The following NVL variants were observed in gnomAD, a reference collection of about 807,000 sequenced individuals.
The protein encoded by NVL is nuclear VCP like.
In NVL, 84 loss-of-function variants were observed where a neutral mutation model predicts 110.2. The observed-to-expected ratio is 0.76, with a 90% CI of 0.64 to 0.91. The LOEUF (loss-of-function observed/expected upper bound fraction) is 0.91, where lower values mean the gene tolerates loss of function less well. Ranked by LOEUF, NVL falls within the 40% of genes least tolerant of loss-of-function variation. NVL has a pLI of 0.00. For missense variants in NVL, 882 were observed against 1,035.9 expected (o/e 0.85, Z 2.04); for synonymous variants, 354 against 361.1 (o/e 0.98, Z 0.22).
intron 12 of NVL, among the ~76,000 whole-genome samples, chr1:224,291,966 C>T (rs916830057): frequency 7.7e-4 from 117 of 152,308 alleles, no homozygotes; most frequent in African/African-American, 2.7e-3. Context: ...CACGTGAGAC[C>T]GCAAGGCAGA....
At chr1:224,308,338 A>G in intron 5 of NVL, 75 bp from the exon 6 acceptor site, 2 of 1,334,264 alleles carry the variant, frequency 1.5e-6, no homozygotes, top group Non-Finnish European at 2.0e-6. Context: ...TGCCTATAGT[A>G]ATAAGTTTTC....
chr1:224,274,289 T>TCAA (rs1236208047), intron 17 of NVL, among the ~76,000 whole-genome samples: 1 of 150,682 alleles, frequency 6.6e-6, no homozygotes, highest in Admixed American at 6.6e-5. Flanking sequence ...AGACTCTGTT[T>TCAA]CAACAACAAC....
At chr1:224,290,904 G>A (rs1667317877) in intron 12 of NVL, among the ~76,000 whole-genome samples, 2 of 151,994 alleles carry the variant, frequency 1.3e-5, no homozygotes, top group Non-Finnish European at 2.9e-5. Flanking sequence ...GGGAGGCAGA[G>A]GTTGCAGTGA....
At chr1:224,264,810 G>A (rs755066656) in intron 18 of NVL, among the ~76,000 whole-genome samples, 5 of 151,890 alleles carry the variant, frequency 3.3e-5, no homozygotes, top group East Asian at 1.9e-4. Context: ...GTGCAATCTC[G>A]GCTCACTGCA....
chr1:224,275,450 A>G lies in NVL; in HGVS notation c.1971T>C (p.Gly657=). The G allele has an allele frequency of 1.9e-6, 3 of 1,614,118 alleles. No homozygotes were observed. Among genetic ancestry groups the G allele is most frequent in the Non-Finnish European group, 2.5e-6 (3 of 1,180,014 alleles). The stretch of plus-strand genomic sequence containing the variant: ...CTTGTCGCACAGCACGTTCACTCTC[A>G]CCAACATACTAAACATACACAGAAA... ...KGPELLNMYV[G]ESERAVRQVF... The change falls in exon 17 of 23, where the codon GGT becomes GGC. Residue 657 remains glycine (G), a synonymous_variant. Transcript: ENST00000281701.
At chr1:224,250,728 C>T (rs1451671593) in intron 18 of NVL, among the ~76,000 whole-genome samples, 1 of 152,096 alleles carries the variant, frequency 6.6e-6, no homozygotes, top group African/African-American at 2.4e-5. Context: ...CTCTTTCCCT[C>T]GAGTCCACAA....
At chr1:224,309,339 C>G (rs893740877) in intron 5 of NVL, among the ~76,000 whole-genome samples, 8 of 151,884 alleles carry the variant, frequency 5.3e-5, no homozygotes, top group Non-Finnish European at 1.0e-4. Flanking sequence ...GGCAACACAG[C>G]GAGACCCTGT....
chr1:224,307,440 G>A lies in NVL; in HGVS notation c.615+551C>T, dbSNP rs1379240224. Reference sequence around the variant, plus strand: ...AGAATGATAATATGTGGTGGCTCACGCCTACAATCCCAGAACTTTGGGAGT... The same window carrying A: ...AGAATGATAATATGTGGTGGCTCACACCTACAATCCCAGAACTTTGGGAGT... On this transcript the variant is annotated intron_variant, in intron 6 of 22. Transcript: ENST00000281701. 7.9e-5 allele frequency among the ~76,000 whole-genome samples: 12 copies of A among 152,308 alleles called. No individual in the cohort carries two copies. In the South Asian group the frequency reaches 8.3e-4, roughly 11 times the overall value.
At chr1:224,253,267 G>A (rs1052565940) in intron 18 of NVL, among the ~76,000 whole-genome samples, 2 of 151,414 alleles carry the variant, frequency 1.3e-5, no homozygotes, top group East Asian at 2.0e-4. Context: ...GGCCAGGCTG[G>A]TCTTGAGCTC....
chr1:224,306,760 G>A (rs1361263108), intron 6 of NVL, among the ~76,000 whole-genome samples: 1 of 152,066 alleles, frequency 6.6e-6, no homozygotes. Flanking sequence ...TTATGCCCAG[G>A]GGGTGGAGGT....
intron 19 of NVL, among the ~76,000 whole-genome samples, chr1:224,243,311 A>T (rs77320858): frequency 8.6e-5 from 13 of 151,118 alleles, no homozygotes; most frequent in African/African-American, 3.2e-4. Flanking sequence ...AAAAAAAAAA[A>T]TTAGCTAGGC....
chr1:224,265,519 A>G (rs900530350), intron 18 of NVL, among the ~76,000 whole-genome samples: 1 of 152,128 alleles, frequency 6.6e-6, no homozygotes, highest in East Asian at 1.9e-4. Context: ...AAATAAATAA[A>G]TAATAAAATA....
At chr1:224,310,304 G>A (rs1669387130) in intron 5 of NVL, among the ~76,000 whole-genome samples, 2 of 151,764 alleles carry the variant, frequency 1.3e-5, no homozygotes, top group Admixed American at 1.3e-4. Context: ...AACGTTATAT[G>A]CAAACATGAT....
intron 19 of NVL, among the ~76,000 whole-genome samples, chr1:224,243,780 G>GTCTCC (rs1441645639): frequency 1.3e-5 from 2 of 149,700 alleles, no homozygotes; most frequent in African/African-American, 4.9e-5. Context: ...TCCTGCCTTA[G>GTCTCC]TCTCCCAAGT....
At chr1:224,286,187 CA>C in intron 14 of NVL, 57 bp from the exon 15 acceptor site, 1 of 1,042,742 alleles carries the variant, frequency 9.6e-7, no homozygotes, top group Non-Finnish European at 1.5e-6. Context: ...ACTGCAGGTT[CA>C]AATTATTTCC....
intron 2 of NVL, among the ~76,000 whole-genome samples, chr1:224,320,647 A>C (rs1408750753): frequency 1.6e-5 from 2 of 127,594 alleles, no homozygotes; most frequent in African/African-American, 7.8e-5. Flanking sequence ...ACTCCATCTC[A>C]AAAAAAAAAA....
At chr1:224,271,844 C>T (rs1571902236) in intron 17 of NVL, among the ~76,000 whole-genome samples, 1 of 151,970 alleles carries the variant, frequency 6.6e-6, no homozygotes, top group African/African-American at 2.4e-5. Context: ...AACCCCATCT[C>T]TACTAAAAAT....
intron 18 of NVL, among the ~76,000 whole-genome samples, chr1:224,262,699 A>C (rs1230926007): frequency 2.0e-5 from 3 of 152,244 alleles, no homozygotes; most frequent in African/African-American, 7.2e-5. Context: ...GTTTGAATAA[A>C]TAACATCGAC....
At chr1:224,299,984 G>A (rs1018777211) in intron 10 of NVL, among the ~76,000 whole-genome samples, 2 of 152,118 alleles carry the variant, frequency 1.3e-5, no homozygotes, top group Non-Finnish European at 2.9e-5. Flanking sequence ...TTTAAACACA[G>A]TGATATTTGT....
Sources: allele counts gnomAD v4.1 joint callset (sites outside exome capture counted in the v4.1 genomes callset), GRCh38; gene constraint gnomAD v4.1.1; transcripts MANE v1.5; gene names NCBI Gene and HGNC (gene_info 2026-07-23, HGNC 2026-07-21).